The following PRDM16 variants were observed in gnomAD, a reference collection of about 807,000 sequenced individuals.
PRDM16 encodes the protein PR/SET domain 16, also known as histone-lysine N-methyltransferase PRDM16.
PRDM16 carries 23 observed loss-of-function variants against 110.6 expected under a neutral mutation model. The ratio of observed to expected loss-of-function variants is 0.21; its 90% confidence interval spans 0.15 to 0.29. The LOEUF (loss-of-function observed/expected upper bound fraction) is 0.29. Ranked by LOEUF, PRDM16 falls within the 10% of genes least tolerant of loss-of-function variation. The pLI is 1.00. For synonymous variants in PRDM16, 799 were observed against 781.8 expected, an observed-to-expected ratio of 1.02 and a Z score of -0.37; for missense variants, 1,615 against 1,794.3, an observed-to-expected ratio of 0.90 and a Z score of 1.81.
At chr1:3,120,058 G>T (rs1244002207) in intron 1 of PRDM16, among the ~76,000 whole-genome samples, 3 of 137,984 alleles carry the variant, frequency 2.2e-5, no homozygotes, top group Non-Finnish European at 4.7e-5. Flanking sequence ...TTGCTCAGGG[G>T]CAGGTGGAAG....
intron 2 of PRDM16, among the ~76,000 whole-genome samples, chr1:3,225,576 G>GCA (rs1639271107): frequency 1.3e-5 from 2 of 148,910 alleles, no homozygotes; most frequent in East Asian, 2.0e-4. Context: ...GTGTGTGTGC[G>GCA]CGCGCGCAGA....
At chr1:3,114,060 G>A (rs2981867) in intron 1 of PRDM16, among the ~76,000 whole-genome samples, 44 of 152,190 alleles carry the variant, frequency 2.9e-4, no homozygotes, top group Admixed American at 2.8e-3. Context: ...AAGTTGCCAA[G>A]TTTTGAAGTG....
intron 1 of PRDM16, among the ~76,000 whole-genome samples, chr1:3,181,516 T>TCTTACACAAGCGGG: frequency 1.2e-5 from 1 of 85,972 alleles, no homozygotes; most frequent in Non-Finnish European, 2.3e-5. Context: ...ACACACGCAG[T>TCTTACACAAGCGGG]CTTACACAAG....
chr1:3,102,522 T>C lies in PRDM16; in HGVS notation c.37+33226T>C, dbSNP rs1570251753. Among the ~76,000 whole-genome samples, 4 of 152,312 alleles carry C rather than the reference T, an allele frequency of 2.6e-5. 1 individual carries two copies. The East Asian group carries it at 7.7e-4, about 29-fold the overall frequency. On this transcript the variant is annotated intron_variant, in intron 1 of 16. Coordinates refer to ENST00000270722, the MANE Select transcript of PRDM16 (RefSeq NM_022114.4). ...GTGGGCCCCCTCTGGCATCCCGGCC[T>C]AGACAGGACGGCTGGATCTGAAGTG...
chr1:3,274,439 C>T (rs1434331400), intron 3 of PRDM16, among the ~76,000 whole-genome samples: 2 of 152,150 alleles, frequency 1.3e-5, no homozygotes, highest in South Asian at 2.1e-4. Context: ...AAGGTTTATG[C>T]AGATTTTGCG....
rs1569856046 is a variant in PRDM16, at chr1:3,213,310, C to T, written c.387+26836C>T. ...ATGTCCATCAAGTCATAGAGACAAC[C>T]ATTTCTGCTTAATTTGCTGACACAA... On this transcript the variant is annotated intron_variant, in intron 2 of 16. Coordinates refer to ENST00000270722, the MANE Select transcript of PRDM16 (RefSeq NM_022114.4). This position sits in a 1 kb window ranked among gnomAD's most constrained non-coding sequence, Gnocchi z 5.3. Among the ~76,000 whole-genome samples, 2 of 149,032 alleles carry T rather than the reference C, an allele frequency of 1.3e-5. No homozygotes were observed. Among genetic ancestry groups the T allele is most frequent in the Admixed American group, 1.3e-4 (2 of 14,924 alleles).
At chr1:3,174,494 G>A (rs1181659693) in intron 1 of PRDM16, among the ~76,000 whole-genome samples, 5 of 152,154 alleles carry the variant, frequency 3.3e-5, no homozygotes, top group Non-Finnish European at 7.3e-5. Context: ...GTCTGTGCTT[G>A]CCTGCTGTGT....
At chr1:3,251,268 C>T (rs2100218740) in intron 3 of PRDM16, among the ~76,000 whole-genome samples, 1 of 148,646 alleles carries the variant, frequency 6.7e-6, no homozygotes, top group Admixed American at 6.7e-5. Flanking sequence ...TCCTCTTTTG[C>T]AATGGGAGAT....
intron 1 of PRDM16, among the ~76,000 whole-genome samples, chr1:3,181,812 TTACACA>T (rs1644207478): frequency 9.8e-6 from 1 of 101,610 alleles, no homozygotes; most frequent in South Asian, 3.3e-4. Context: ...ACACACGGTC[TTACACA>T]TGCGGTCTTA....
In PRDM16 at chr1:3,431,953, G is replaced by A. The variant is rs761863169; in HGVS notation, c.3522-13G>A. 25 of 1,608,616 alleles carry A rather than the reference G, an allele frequency of 1.6e-5. No homozygotes were observed. The highest frequency in any genetic ancestry group is 2.1e-5 in the Non-Finnish European group (25 of 1,176,814). On this transcript the variant is annotated splice_polypyrimidine_tract_variant and intron_variant, in intron 15 of 16. Transcript: ENST00000270722. ...TGACAGCAGGCCTTCCCTCTCCCCG[G>A]TCATTGGTGCAGGTGTGCTGAGGAC...
At chr1:3,186,077 T>C in intron 1 of PRDM16, 48 bp from the exon 2 acceptor site, 1 of 1,502,788 alleles carries the variant, frequency 6.7e-7, no homozygotes, top group Middle Eastern at 1.7e-4. Flanking sequence ...CTGTACACAC[T>C]GGGTGGGGCA....
chr1:3,183,316 A>G (rs903003184), intron 1 of PRDM16, among the ~76,000 whole-genome samples: 1 of 152,120 alleles, frequency 6.6e-6, no homozygotes, highest in Non-Finnish European at 1.5e-5. Context: ...GCTGACTCTG[A>G]TCTCCCGGCT....
At chr1:3,116,024 G>A (rs1452129925) in intron 1 of PRDM16, among the ~76,000 whole-genome samples, 2 of 152,168 alleles carry the variant, frequency 1.3e-5, no homozygotes, top group African/African-American at 4.8e-5. Flanking sequence ...CCCAGGGGGC[G>A]GGGCTCGATG....
rs529328074 is a variant in PRDM16, at chr1:3,387,442, G to C, written c.573+2156G>C. On this transcript the variant is annotated intron_variant, in intron 4 of 16. Transcript: ENST00000270722. ...CAACACCAAAATGGCCCAAAGCAGA[G>C]AGAAATTCCTCCACTCGGGGCACTT... is the stretch of plus-strand genomic sequence containing the variant. Among the ~76,000 whole-genome samples, 37 of 152,344 alleles carry C rather than the reference G, an allele frequency of 2.4e-4. 1 individual carries two copies. The highest frequency in any genetic ancestry group is 4.4e-5 in the Non-Finnish European group (3 of 68,032).
chr1:3,284,756 G>T (rs1278226604), intron 3 of PRDM16, among the ~76,000 whole-genome samples: 1 of 152,210 alleles, frequency 6.6e-6, no homozygotes, highest in Admixed American at 6.5e-5. Flanking sequence ...ATGCGTCTTG[G>T]GGGCTTCACG....
chr1:3,104,362 G>A (rs1642600392), intron 1 of PRDM16, among the ~76,000 whole-genome samples: 1 of 152,206 alleles, frequency 6.6e-6, no homozygotes, highest in African/African-American at 2.4e-5. Context: ...GTGGGAGCTG[G>A]GAGGGGCTGG....
intron 1 of PRDM16, among the ~76,000 whole-genome samples, chr1:3,118,386 T>C (rs1643017535): frequency 1.3e-5 from 2 of 152,056 alleles, no homozygotes; most frequent in Non-Finnish European, 2.9e-5. Flanking sequence ...CTCGGAAGCG[T>C]GACAGCCATG....
chr1:3,401,982 T>C (rs1643480534), intron 5 of PRDM16, among the ~76,000 whole-genome samples: 1 of 152,252 alleles, frequency 6.6e-6, no homozygotes, highest in Non-Finnish European at 1.5e-5. Flanking sequence ...TGTAAGTGCA[T>C]AGACATGCAC....
At chr1:3,090,788 C>T (rs1404314721) in intron 1 of PRDM16, among the ~76,000 whole-genome samples, 2 of 152,234 alleles carry the variant, frequency 1.3e-5, no homozygotes, top group African/African-American at 2.4e-5. Flanking sequence ...GCCCCTGAAG[C>T]CCATGCCAGG....
Sources: allele counts gnomAD v4.1 joint callset (sites outside exome capture counted in the v4.1 genomes callset), GRCh38; gene constraint gnomAD v4.1.1; non-coding constraint Gnocchi (gnomAD v3.1); transcripts MANE v1.5; gene names NCBI Gene and HGNC (gene_info 2026-07-23, HGNC 2026-07-21).